Variants in MTUS2 observed in about 807,000 individuals in gnomAD.
The protein encoded by MTUS2 is microtubule-associated tumor suppressor candidate 2.
A neutral mutation model predicts 114.1 loss-of-function variants in MTUS2; 40 were observed. The observed-to-expected ratio is 0.35, with a 90% CI of 0.27 to 0.46. MTUS2 has a LOEUF of 0.46. MTUS2 is among the 20% of genes least tolerant of loss of function. The probability of loss-of-function intolerance (pLI) is 1.00; values close to 1 mark genes in which losing one functional copy is unlikely to be tolerated. For synonymous variants in MTUS2, 688 were observed against 672.0 expected, an observed-to-expected ratio of 1.02 and a Z score of -0.37; for missense variants, 1,679 against 1,705.4, an observed-to-expected ratio of 0.98 and a Z score of 0.27.
At chr13:29,330,823 T>G (rs1900740429) in intron 7 of MTUS2, among the ~76,000 whole-genome samples, 1 of 152,222 alleles carries the variant, frequency 6.6e-6, no homozygotes, top group African/African-American at 2.4e-5. Context: ...TACCATGCTG[T>G]TTTGGTTACT....
At chr13:29,444,955 G>T (rs1439871268) in intron 9 of MTUS2, among the ~76,000 whole-genome samples, 1 of 152,166 alleles carries the variant, frequency 6.6e-6, no homozygotes, top group African/African-American at 2.4e-5. Context: ...CTACCCTCCT[G>T]GTTAGATGGA....
At chr13:29,096,825 A>G (rs1035243255) in intron 4 of MTUS2, among the ~76,000 whole-genome samples, 1 of 152,080 alleles carries the variant, frequency 6.6e-6, no homozygotes, top group Non-Finnish European at 1.5e-5. Flanking sequence ...AGTAGCTTCT[A>G]GTCTTCTCCC....
intron 11 of MTUS2, among the ~76,000 whole-genome samples, chr13:29,491,644 G>C (rs912987617): frequency 2.0e-5 from 3 of 149,594 alleles, no homozygotes; most frequent in Admixed American, 1.3e-4. Context: ...AGGTGTGTAT[G>C]TGTGTGTGGC....
intron 2 of MTUS2, among the ~76,000 whole-genome samples, chr13:28,851,486 C>T (rs1454996568): frequency 1.3e-5 from 2 of 152,184 alleles, no homozygotes. Flanking sequence ...TGAGTGACTA[C>T]AACATAGTGG....
intron 2 of MTUS2, among the ~76,000 whole-genome samples, chr13:28,840,670 C>T (rs1483268866): frequency 6.6e-6 from 1 of 152,194 alleles, no homozygotes; most frequent in South Asian, 2.1e-4. Flanking sequence ...TTCCACAGTG[C>T]ACAACCTGAG....
intron 5 of MTUS2, among the ~76,000 whole-genome samples, chr13:29,263,056 G>C (rs1450237169): frequency 6.6e-6 from 1 of 152,198 alleles, no homozygotes; most frequent in African/African-American, 2.4e-5. Flanking sequence ...GGATTAATTT[G>C]TTTTCTTAGA....
chr13:29,450,020 G>A (rs928568170), intron 9 of MTUS2, among the ~76,000 whole-genome samples: 2 of 152,210 alleles, frequency 1.3e-5, no homozygotes, highest in Non-Finnish European at 2.9e-5. Context: ...GCAAGGTGGA[G>A]GACCATGATG....
intron 8 of MTUS2, among the ~76,000 whole-genome samples, 194 bp from the exon 9 acceptor site, chr13:29,439,789 C>G (rs1877695700): frequency 6.6e-6 from 1 of 152,086 alleles, no homozygotes. Flanking sequence ...CAAGCTTTGC[C>G]ATTTGAATGG....
intron 5 of MTUS2, among the ~76,000 whole-genome samples, chr13:29,109,978 G>A (rs1158640694): frequency 6.6e-6 from 1 of 152,196 alleles, no homozygotes; most frequent in Non-Finnish European, 1.5e-5. Context: ...TGAAAGTGGA[G>A]GTTGATCATT....
intron 8 of MTUS2, among the ~76,000 whole-genome samples, chr13:29,432,403 A>T (rs1185105305): frequency 2.0e-5 from 3 of 152,206 alleles, no homozygotes; most frequent in Non-Finnish European, 4.4e-5. Context: ...TTGTTGAGTT[A>T]TTAAGAGGAA....
intron 5 of MTUS2, among the ~76,000 whole-genome samples, chr13:29,200,838 C>T (rs577914142): frequency 6.6e-6 from 1 of 152,104 alleles, no homozygotes; most frequent in East Asian, 1.9e-4. Flanking sequence ...TTTCTTAATC[C>T]CGAGTTCTAA....
At chr13:29,427,061 G>C (rs1244742039) in intron 8 of MTUS2, among the ~76,000 whole-genome samples, 1 of 152,208 alleles carries the variant, frequency 6.6e-6, no homozygotes, top group East Asian at 1.9e-4. Flanking sequence ...ATTAGCCCAA[G>C]TGAGCAGGAA....
At chr13:29,300,802 C>T (rs1244758040) in intron 6 of MTUS2, among the ~76,000 whole-genome samples, 1 of 152,148 alleles carries the variant, frequency 6.6e-6, no homozygotes, top group African/African-American at 2.4e-5. Context: ...TGGCTGGATT[C>T]ACTAGCACAG....
chr13:28,980,340 T>A (rs962969112), intron 2 of MTUS2, among the ~76,000 whole-genome samples: 3 of 152,208 alleles, frequency 2.0e-5, no homozygotes, highest in African/African-American at 7.2e-5. Flanking sequence ...AAGGTATGCT[T>A]TGAGAAGTTT....
intron 4 of MTUS2, among the ~76,000 whole-genome samples, chr13:29,079,141 A>G (rs2479783): frequency 0.98 from 149,176 of 152,272 alleles, 73,112 homozygotes; most frequent in Non-Finnish European, 1. Flanking sequence ...GTATCTGATT[A>G]TGGCATTGAT....
chr13:28,871,559 A>C (rs1877619089), intron 2 of MTUS2, among the ~76,000 whole-genome samples: 1 of 152,250 alleles, frequency 6.6e-6, no homozygotes, highest in African/African-American at 2.4e-5. Context: ...TTGAGTGCTT[A>C]CTATATACCA....
chr13:29,021,598 C>T lies in MTUS2; in HGVS notation c.-242-2859C>T, dbSNP rs554367244. ...CTTGGCTGCATATTTATACTTCTGC[C>T]CACAGAAAATTAGAGGCAGTTCCCT... On this transcript the variant is annotated intron_variant, in intron 2 of 15. Coordinates refer to ENST00000612955, the MANE Select transcript of MTUS2 (RefSeq NM_001033602.4). Among the ~76,000 whole-genome samples the T allele has an allele frequency of 3.3e-5, 5 of 152,236 alleles. No individual in the cohort carries two copies. In the East Asian group the frequency reaches 7.7e-4, roughly 24 times the overall value.
chr13:29,288,377 G>A (rs369992509), intron 6 of MTUS2, among the ~76,000 whole-genome samples: 34 of 152,260 alleles, frequency 2.2e-4, no homozygotes, highest in African/African-American at 6.7e-4. Flanking sequence ...AGCACAGAGC[G>A]GGGCAGCAGC....
intron 5 of MTUS2, among the ~76,000 whole-genome samples, chr13:29,143,276 G>GA (rs1338735447): frequency 1.3e-5 from 2 of 152,200 alleles, no homozygotes; most frequent in Non-Finnish European, 1.5e-5. Context: ...AAATAAAATG[G>GA]AAAAAACACA....
Sources: allele counts gnomAD v4.1 joint callset (sites outside exome capture counted in the v4.1 genomes callset), GRCh38; gene constraint gnomAD v4.1.1; transcripts MANE v1.5; gene names NCBI Gene and HGNC (gene_info 2026-07-23, HGNC 2026-07-21).